The following PAQR5 variants were observed in gnomAD, a reference collection of about 807,000 sequenced individuals.
The protein encoded by PAQR5 is membrane progestin receptor gamma.
PAQR5 carries 20 observed loss-of-function variants against 34.5 expected under a neutral mutation model. That is an observed-to-expected ratio of 0.58 (90% CI 0.41 to 0.84). PAQR5 has a LOEUF of 0.84. Among genes scored for constraint, PAQR5 ranks in the 40% least tolerant of loss-of-function variants. The probability of loss-of-function intolerance (pLI) is 0.00; values close to 1 mark genes in which losing one functional copy is unlikely to be tolerated. For synonymous variants in PAQR5, 131 were observed against 155.6 expected (o/e 0.84, Z 1.18); for missense variants, 378 against 412.7 (o/e 0.92, Z 0.73).
At chr15:69,332,407 A>G (rs867774876) in intron 1 of PAQR5, among the ~76,000 whole-genome samples, 3 of 152,124 alleles carry the variant, frequency 2.0e-5, no homozygotes, top group Admixed American at 6.6e-5. Context: ...ATGTGGGGAT[A>G]CTTTCTCTTG....
chr15:69,393,065 A>G (rs1434121270), intron 6 of PAQR5, among the ~76,000 whole-genome samples: 1 of 151,872 alleles, frequency 6.6e-6, no homozygotes, highest in Non-Finnish European at 1.5e-5. Context: ...TTCCAGGCAT[A>G]TTAGCAGCAA....
chr15:69,347,512 T>G (rs1175097192), intron 2 of PAQR5, among the ~76,000 whole-genome samples: 1 of 151,850 alleles, frequency 6.6e-6, no homozygotes, highest in African/African-American at 2.4e-5. Context: ...ATGTTTTCAC[T>G]ATAATCCAGA....
chr15:69,367,409 A>C (rs77589895), intron 3 of PAQR5, among the ~76,000 whole-genome samples: 1,528 of 152,312 alleles, frequency 0.01, 12 homozygotes, highest in Non-Finnish European at 0.017. Flanking sequence ...GGGTCAGGCT[A>C]TGCTGAGTTA....
In PAQR5 at chr15:69,405,212, A is replaced by C. The variant is rs1595960897; in HGVS notation, c.*1390A>C. On this transcript the variant is annotated 3_prime_UTR_variant, in exon 9 of 9. Coordinates refer to ENST00000395407, the MANE Select transcript of PAQR5 (RefSeq NM_017705.4). ...TTTGACAGAGGCCCATCAAACCCAG[A>C]TCTGCACTTGGTAATGACTTAGGGG... 1.3e-5 allele frequency: 5 copies of C among 380,858 alleles called. No homozygotes were observed. The East Asian group carries it at 1.9e-4, about 14-fold the overall frequency. The allele number at this position is 380,858 out of a possible 1,614,324, so 23.6% of individuals were successfully genotyped here.
chr15:69,336,151 T>G (rs779147238), intron 1 of PAQR5, among the ~76,000 whole-genome samples: 2 of 152,158 alleles, frequency 1.3e-5, no homozygotes, highest in African/African-American at 2.4e-5. Context: ...TTAAAAAAAT[T>G]TTTTGGAGTT....
chr15:69,395,978 C>T (rs1051462460), intron 6 of PAQR5, among the ~76,000 whole-genome samples: 2 of 151,862 alleles, frequency 1.3e-5, no homozygotes, highest in African/African-American at 4.8e-5. Context: ...ACAGGAATCT[C>T]CGGGTGGGCC....
At chr15:69,322,838 G>T (rs866186813) in intron 1 of PAQR5, among the ~76,000 whole-genome samples, 1 of 19,388 alleles carries the variant, frequency 5.2e-5, no homozygotes, top group East Asian at 2.0e-3. Context: ...AAGAAGAAGA[G>T]GAAGAAGAAG....
intron 1 of PAQR5, among the ~76,000 whole-genome samples, chr15:69,325,210 T>C (rs2054221711): frequency 6.6e-6 from 1 of 152,180 alleles, no homozygotes; most frequent in African/African-American, 2.4e-5. Context: ...CAAGCTTCAT[T>C]TCTTCAAGAA....
intron 1 of PAQR5, among the ~76,000 whole-genome samples, chr15:69,322,770 G>GAAGAAC (rs1566997984): frequency 2.9e-5 from 1 of 34,836 alleles, no homozygotes; most frequent in African/African-American, 8.6e-5. Flanking sequence ...AGAAGAAGAA[G>GAAGAAC]AGGGAGAAGA....
At chr15:69,382,327 AG>A (rs1248121259) in intron 4 of PAQR5, among the ~76,000 whole-genome samples, 9 of 151,998 alleles carry the variant, frequency 5.9e-5, no homozygotes, top group Non-Finnish European at 1.2e-4. Flanking sequence ...AGGAGGTGGG[AG>A]GGGGTTAGAA....
At chr15:69,351,392 A>G (rs1595884409) in intron 2 of PAQR5, among the ~76,000 whole-genome samples, 1 of 152,378 alleles carries the variant, frequency 6.6e-6, no homozygotes, top group East Asian at 1.9e-4. Context: ...CTCTAATTGC[A>G]GCTGCTGTAC....
chr15:69,346,297 A>T (rs1317201487), intron 2 of PAQR5, among the ~76,000 whole-genome samples: 50 of 81,484 alleles, frequency 6.1e-4, no homozygotes, highest in South Asian at 9.9e-4. Context: ...ATATTTTGTA[A>T]TTTTTTTTTT....
At chr15:69,366,667 G>A (rs1351971700) in intron 3 of PAQR5, among the ~76,000 whole-genome samples, 1 of 152,048 alleles carries the variant, frequency 6.6e-6, no homozygotes, top group East Asian at 1.9e-4. Context: ...GATAAATAAT[G>A]TATAGTCTCC....
At chr15:69,353,998 C>T (rs925528875) in intron 2 of PAQR5, among the ~76,000 whole-genome samples, 7 of 152,152 alleles carry the variant, frequency 4.6e-5, no homozygotes, top group African/African-American at 7.2e-5. Context: ...TACCCGACAA[C>T]GGGAGTGAGG....
intron 3 of PAQR5, among the ~76,000 whole-genome samples, chr15:69,364,162 C>G (rs1049984361): frequency 2.6e-5 from 4 of 152,094 alleles, no homozygotes; most frequent in African/African-American, 9.7e-5. Flanking sequence ...GAAGGAAGCA[C>G]AGCCAGATCA....
chr15:69,361,589 A>G (rs2055233391), intron 3 of PAQR5, among the ~76,000 whole-genome samples: 1 of 152,172 alleles, frequency 6.6e-6, no homozygotes, highest in South Asian at 2.1e-4. Context: ...TCATGAGGGA[A>G]GAGGCACGTC....
At chr15:69,402,999 G>C (rs1431445735) in intron 8 of PAQR5, among the ~76,000 whole-genome samples, 1 of 152,240 alleles carries the variant, frequency 6.6e-6, no homozygotes, top group African/African-American at 2.4e-5. Flanking sequence ...TCATATCTGT[G>C]ACTAACTGGC....
rs183969751 is a variant in PAQR5 at position 69,310,208 on chromosome 15, C to T, written c.-277+11152C>T. Among the ~76,000 whole-genome samples, 924 of 152,274 alleles carry T rather than the reference C, an allele frequency of 6.1e-3. 7 individuals are homozygous for T. Among genetic ancestry groups the T allele is most frequent in the Middle Eastern group, 0.041 (12 of 294 alleles). On this transcript the variant is annotated intron_variant, in intron 1 of 8. Transcript: ENST00000395407. ...CACCACAAATGATTTCCCACAGAATCCCCTTGTACTTCAGTCATTTTGCAA... is the reference window on the plus strand; with the variant it reads ...CACCACAAATGATTTCCCACAGAATTCCCTTGTACTTCAGTCATTTTGCAA...
rs1555423090 is a variant in PAQR5 at position 69,390,356 on chromosome 15, A to ATTAT, written c.512+578_512+579insATTT. Among the ~76,000 whole-genome samples, 28 of 132,690 alleles carry ATTAT rather than the reference A, an allele frequency of 2.1e-4. 2 individuals carry two copies. The highest frequency in any genetic ancestry group is 1.9e-3 in the South Asian group (8 of 4,158). The allele number at this position is 132,690 out of a possible 152,430, so 87.0% of individuals were successfully genotyped here. On this transcript the variant is annotated intron_variant, in intron 6 of 8. Transcript: ENST00000395407. Reference sequence around the variant, plus strand: ...TATTTATTTATTTATTTATTTATTTATTTATTTTTTTGAGACAGGGTCTCT... The same window carrying ATTAT: ...TATTTATTTATTTATTTATTTATTTATTATTTTATTTTTTTGAGACAGGGTCTCT...
Sources: allele counts gnomAD v4.1 joint callset (sites outside exome capture counted in the v4.1 genomes callset), GRCh38; gene constraint gnomAD v4.1.1; transcripts MANE v1.5; gene names NCBI Gene and HGNC (gene_info 2026-07-23, HGNC 2026-07-21).